Variants in ZNF585A observed in about 807,000 individuals in gnomAD.
ZNF585A encodes the protein zinc finger protein 585A.
ZNF585A carries 9 observed loss-of-function variants against 14.9 expected under a neutral mutation model. The observed-to-expected ratio is 0.60, with a 90% CI of 0.36 to 1.05. ZNF585A has a LOEUF of 1.05. ZNF585A is among the 50% of genes least tolerant of loss of function. The pLI is 0.01. For missense variants in ZNF585A, 726 were observed against 926.4 expected (o/e 0.78, Z 2.81); for synonymous variants, 276 against 319.9 (o/e 0.86, Z 1.46).
chr19:37,161,180 C>A (rs1972008398), intron 2 of ZNF585A, among the ~76,000 whole-genome samples: 1 of 149,966 alleles, frequency 6.7e-6, no homozygotes. Flanking sequence ...AACACAGTAA[C>A]AAAAAAAAAA....
chr19:37,166,062 G>C (rs1972086209), intron 2 of ZNF585A, among the ~76,000 whole-genome samples: 1 of 152,044 alleles, frequency 6.6e-6, no homozygotes, highest in African/African-American at 2.4e-5. Context: ...CGCCCAGGCT[G>C]GAATGCAGTG....
intron 2 of ZNF585A, among the ~76,000 whole-genome samples, chr19:37,164,259 A>C (rs184122664): frequency 6.6e-5 from 10 of 151,968 alleles, no homozygotes; most frequent in East Asian, 3.9e-4. Flanking sequence ...AAAAATTAGC[A>C]GGGCGTGGTG....
At position 37,150,327 on chromosome 19, in the gene ZNF585A, A is replaced by G. The variant is rs1358851570; in HGVS notation, c.*1262T>C. ...TCATCATCGTGAGGGAAAAATCAAT[A>G]AGGAGGATCACAAGACATCCTGCTA... is the stretch of plus-strand genomic sequence containing the variant. On this transcript the variant is annotated 3_prime_UTR_variant, in exon 5 of 5. Coordinates refer to ENST00000292841, the MANE Select transcript of ZNF585A (RefSeq NM_001288800.2). 2 of 152,240 alleles carry G rather than the reference A, an allele frequency of 1.3e-5. No homozygotes were observed. 9.4% of individuals were successfully genotyped at this position (152,240 alleles called of 1,614,324 possible). A position where few individuals can be genotyped will look rare whatever the true frequency, so the allele number is the denominator to read the frequency against.
intron 2 of ZNF585A, among the ~76,000 whole-genome samples, chr19:37,168,587 CT>C (rs1417429480): frequency 2.6e-5 from 4 of 152,194 alleles, no homozygotes; most frequent in Non-Finnish European, 5.9e-5. Context: ...TCAATCTACC[CT>C]TCATATTTTC....
chr19:37,151,574 C>T lies in ZNF585A; in HGVS notation c.*15G>A, dbSNP rs1279392420. 2.5e-6 allele frequency: 4 copies of T among 1,598,388 alleles called. No homozygotes were observed. Among genetic ancestry groups the T allele is most frequent in the Non-Finnish European group, 3.4e-6 (4 of 1,171,390 alleles). On this transcript the variant is annotated 3_prime_UTR_variant, in exon 5 of 5. Coordinates refer to ENST00000292841, the MANE Select transcript of ZNF585A (RefSeq NM_001288800.2). Reference sequence around the variant, plus strand: ...CAGACCCAACCCTCAGGGGGGTTTTCTCACACTGTTTCTCTCAAGCGTGGC... The same window carrying T: ...CAGACCCAACCCTCAGGGGGGTTTTTTCACACTGTTTCTCTCAAGCGTGGC...
intron 3 of ZNF585A, 52 bp from the exon 4 acceptor site, chr19:37,156,009 C>T (rs771553715): frequency 5.6e-6 from 9 of 1,610,118 alleles, no homozygotes; most frequent in Non-Finnish European, 7.6e-6. Context: ...TGTTTCAGGG[C>T]CCAACCAATA....
intron 4 of ZNF585A, among the ~76,000 whole-genome samples, chr19:37,155,376 C>T (rs1037017246): frequency 1.3e-5 from 2 of 151,834 alleles, no homozygotes; most frequent in East Asian, 2.0e-4. Context: ...GTCGGCCAGG[C>T]GCAGTAGCTC....
intron 2 of ZNF585A, among the ~76,000 whole-genome samples, chr19:37,164,407 T>TAAA (rs35676021): frequency 3.4e-5 from 5 of 148,572 alleles, no homozygotes; most frequent in African/African-American, 1.2e-4. Flanking sequence ...TGTCTCAAAT[T>TAAA]AAAAAAAAAA....
In ZNF585A at chr19:37,152,922, T is replaced by C. The variant is rs1470134928; in HGVS notation, c.977A>G (p.Tyr326Cys). Residue 326 changes from tyrosine (Y) to cysteine (C), a missense_variant, in exon 5 of 5, where the codon TAT (tyrosine) becomes TGT (cysteine). Tyr to Cys is a radical substitution (Grantham distance 194, BLOSUM62 -2). This residue lies in a region of ZNF585A where 483 missense variants were observed against 542.8 expected (regional missense o/e 0.89). Coordinates refer to ENST00000292841, the MANE Select transcript of ZNF585A (RefSeq NM_001288800.2). ...HQRVHTRVKP[Y>C]ICTEYGKVFS... ...GACCTTCCCATATTCGGTACATATA[T>C]AGGGCTTCACTCTTGTGTGAACACG... is the stretch of plus-strand genomic sequence containing the variant. 5 of 1,614,136 alleles carry C rather than the reference T, an allele frequency of 3.1e-6. No individual in the cohort carries two copies. Among genetic ancestry groups the C allele is most frequent in the South Asian group, 2.2e-5 (2 of 91,094 alleles).
rs567355008 is a variant in ZNF585A, at chr19:37,146,529, C to T, written c.*5060G>A. The T allele has an allele frequency of 6.6e-6, 1 of 152,322 alleles. No homozygotes were observed. Among genetic ancestry groups the T allele is most frequent in the South Asian group, 2.1e-4 (1 of 4,818 alleles). The allele number at this position is 152,322 out of a possible 1,614,324, so 9.4% of individuals were successfully genotyped here. On this transcript the variant is annotated 3_prime_UTR_variant, in exon 5 of 5. Coordinates refer to ENST00000292841, the MANE Select transcript of ZNF585A (RefSeq NM_001288800.2). ...CTTTGGCCACGGGGTCAATGTCTGCCACACTGCATCACATCCATTATCCAA... is the reference window on the plus strand; with the variant it reads ...CTTTGGCCACGGGGTCAATGTCTGCTACACTGCATCACATCCATTATCCAA...
chr19:37,168,330 C>T (rs1269474490), intron 2 of ZNF585A, among the ~76,000 whole-genome samples: 2 of 152,180 alleles, frequency 1.3e-5, no homozygotes, highest in African/African-American at 4.8e-5. Flanking sequence ...TTGCTAGAAG[C>T]TAGCCTGGCA....
rs371375217 is a variant in ZNF585A at position 37,167,213 on chromosome 19, C to T, written c.72+2626G>A. Among the ~76,000 whole-genome samples, 8 of 152,250 alleles carry T rather than the reference C, an allele frequency of 5.3e-5. No individual in the cohort carries two copies. The South Asian group carries it at 8.3e-4, about 16-fold the overall frequency. ...TTTTTGACATGGAGTCTCACTCTGT[C>T]GCCTGGGCTGAAGTGCAGTGGCACA... On this transcript the variant is annotated intron_variant, in intron 2 of 4. Transcript: ENST00000292841.
intron 2 of ZNF585A, among the ~76,000 whole-genome samples, chr19:37,167,048 G>A (rs1488745525): frequency 6.6e-6 from 1 of 151,794 alleles, no homozygotes; most frequent in African/African-American, 2.4e-5. Flanking sequence ...TGCCCAGGCT[G>A]GTCTTGAACT....
chr19:37,163,067 A>G (rs1972035217), intron 2 of ZNF585A, among the ~76,000 whole-genome samples: 1 of 152,050 alleles, frequency 6.6e-6, no homozygotes, highest in Non-Finnish European at 1.5e-5. Context: ...CCCTACACAC[A>G]CTGAACCCCC....
At chr19:37,164,761 T>C (rs181156781) in intron 2 of ZNF585A, among the ~76,000 whole-genome samples, 1 of 152,326 alleles carries the variant, frequency 6.6e-6, no homozygotes, top group East Asian at 1.9e-4. Flanking sequence ...ACTGCAGCCT[T>C]GACAGGCTCA....
rs996399438 is a variant in ZNF585A, at chr19:37,159,285, C to T, written c.73-2930G>A. ...AAAAAAAAAGGCAGAATGTTGATGACGACTGAAACTGGGTGACAGGGACAA... is the reference window on the plus strand; with the variant it reads ...AAAAAAAAAGGCAGAATGTTGATGATGACTGAAACTGGGTGACAGGGACAA... On this transcript the variant is annotated intron_variant, in intron 2 of 4. Transcript: ENST00000292841. 7.5e-5 allele frequency among the ~76,000 whole-genome samples: 11 copies of T among 146,996 alleles called. No individual in the cohort carries two copies. The East Asian group carries it at 7.9e-4, about 11-fold the overall frequency.
chr19:37,156,751 G>T (rs1971937644), intron 2 of ZNF585A, among the ~76,000 whole-genome samples: 1 of 151,924 alleles, frequency 6.6e-6, no homozygotes, highest in Non-Finnish European at 1.5e-5. Context: ...GAGTACAATG[G>T]TATGATCTTG....
Position 37,169,945 on chromosome 19 carries a change from TG to T in ZNF585A, c.-36del. 1 of 1,602,522 alleles carries T rather than the reference TG, an allele frequency of 6.2e-7. No individual in the cohort carries two copies. The highest frequency in any genetic ancestry group is 8.5e-7 in the Non-Finnish European group (1 of 1,176,956). ...GGGTCTCAACCCTTTTTCTGTAGGG[TG>T]TCTGAAGCTTGGCAGTCATCTGTGA... On this transcript the variant is annotated 5_prime_UTR_variant, in exon 2 of 5. Transcript: ENST00000292841.
Position 37,151,750 on chromosome 19 carries a change from G to C in ZNF585A, c.2149C>G (p.Pro717Ala), listed in dbSNP as rs1971833064. ...TTCCCACACTCAGCACACACGTAAG[G>C]CTTCTCTCCAGTGTGAATTCGCTGA... ...VHQRIHTGEK[P>A]YVCAECGKAF... Residue 717 changes from proline (P) to alanine (A), a missense_variant, in exon 5 of 5, where the codon CCT becomes GCT. Physicochemically the swap from Pro to Ala is conservative, Grantham distance 27. Around this residue, in one of 2 missense-constraint regions of ZNF585A, gnomAD observed 243 missense variants for 383.6 expected, o/e 0.63. Coordinates refer to ENST00000292841, the MANE Select transcript of ZNF585A (RefSeq NM_001288800.2). 6.2e-7 allele frequency: 1 copy of C among 1,613,982 alleles called. No homozygotes were observed. Among genetic ancestry groups the C allele is most frequent in the Non-Finnish European group, 8.5e-7 (1 of 1,179,988 alleles).
Sources: gnomAD v4.1 joint callset for allele counts (sites outside exome capture counted in the v4.1 genomes callset) on GRCh38, gnomAD v4.1.1 for gene constraint, gnomAD v4.1.1 regional missense constraint, MANE v1.5 for transcripts, NCBI Gene and HGNC (gene_info 2026-07-23, HGNC 2026-07-21) for gene names.